SUPT3H: variants seen among roughly 807,000 people sequenced by gnomAD.
SUPT3H encodes the protein SPT3 homolog, SAGA and STAGA complex component.
SUPT3H carries 44 observed loss-of-function variants against 44.3 expected under a neutral mutation model. The observed-to-expected ratio is 0.99, with a 90% CI of 0.78 to 1.28. SUPT3H has a LOEUF of 1.28. Ranked by LOEUF, SUPT3H falls within the 50% of genes most tolerant of loss-of-function variation. SUPT3H has a pLI of 0.00. For missense variants in SUPT3H, 380 were observed against 387.1 expected (o/e 0.98, Z 0.15); for synonymous variants, 124 against 125.6 (o/e 0.99, Z 0.09).
chr6:45,234,998 C>T (rs1230983305), intron 2 of SUPT3H, among the ~76,000 whole-genome samples: 2 of 152,018 alleles, frequency 1.3e-5, no homozygotes, highest in African/African-American at 4.8e-5. Flanking sequence ...CATGAAAATA[C>T]CTCTCATGAG....
At chr6:44,878,569 C>A (rs1777677048) in intron 10 of SUPT3H, among the ~76,000 whole-genome samples, 1 of 151,970 alleles carries the variant, frequency 6.6e-6, no homozygotes, top group Non-Finnish European at 1.5e-5. Context: ...TGTGGAGAAA[C>A]TGGAACACTT....
intron 2 of SUPT3H, among the ~76,000 whole-genome samples, chr6:45,307,832 G>A (rs1490618926): frequency 6.6e-6 from 1 of 152,140 alleles, no homozygotes; most frequent in East Asian, 1.9e-4. Context: ...AGCTAAAGGA[G>A]GAAGTTCAAA....
In SUPT3H at chr6:45,230,662, CTATATATAT is replaced by C. The variant is rs1767816225; in HGVS notation, c.102-124665_102-124657del. 6.0e-4 allele frequency among the ~76,000 whole-genome samples: 41 copies of C among 68,744 alleles called. 5 individuals are homozygous for C. Among genetic ancestry groups the C allele is most frequent in the East Asian group, 5.2e-3 (12 of 2,318 alleles). The allele number at this position is 68,744 out of a possible 152,430, so 45.1% of individuals were successfully genotyped here. Reference sequence around the variant, plus strand: ...AAATCATGTTTTAAATTCATTCAGTCTATATATATATATATATATATATATTTTTGAGAT... The same window carrying C: ...AAATCATGTTTTAAATTCATTCAGTCATATATATATATATATTTTTGAGAT... On this transcript the variant is annotated intron_variant, in intron 2 of 10. Transcript: ENST00000371459.
At chr6:44,945,754 G>A (rs1487541328) in intron 9 of SUPT3H, among the ~76,000 whole-genome samples, 1 of 152,218 alleles carries the variant, frequency 6.6e-6, no homozygotes. Context: ...TAATATAAAA[G>A]TGCAAGGTGA....
chr6:45,177,409 T>C (rs1812165409), intron 2 of SUPT3H, among the ~76,000 whole-genome samples: 3 of 152,074 alleles, frequency 2.0e-5, no homozygotes, highest in South Asian at 2.1e-4. Flanking sequence ...CCAAGAAATA[T>C]GGGACTATGT....
At chr6:44,840,896 G>A (rs929878529) in intron 10 of SUPT3H, among the ~76,000 whole-genome samples, 1 of 152,142 alleles carries the variant, frequency 6.6e-6, no homozygotes, top group African/African-American at 2.4e-5. Flanking sequence ...TGATATTAAA[G>A]AGTCAAACTT....
chr6:45,285,024 C>G (rs895880728), intron 2 of SUPT3H, among the ~76,000 whole-genome samples: 2 of 151,906 alleles, frequency 1.3e-5, no homozygotes, highest in African/African-American at 4.8e-5. Context: ...CAGAAAAGGC[C>G]TCTGAGAAAA....
chr6:45,242,565 T>C (rs1347779611), intron 2 of SUPT3H, among the ~76,000 whole-genome samples: 2 of 152,156 alleles, frequency 1.3e-5, no homozygotes, highest in Admixed American at 6.5e-5. Flanking sequence ...AATAGTGGCA[T>C]TCAATAGTGA....
At chr6:45,114,542 T>C (rs1429282683) in intron 2 of SUPT3H, among the ~76,000 whole-genome samples, 1 of 152,126 alleles carries the variant, frequency 6.6e-6, no homozygotes, top group Non-Finnish European at 1.5e-5. Context: ...AGCTCATCCA[T>C]AAATATTTAT....
intron 2 of SUPT3H, among the ~76,000 whole-genome samples, chr6:45,125,757 C>A (rs10948201): frequency 0.23 from 34,359 of 150,912 alleles, 4,566 homozygotes; most frequent in Non-Finnish European, 0.31. Context: ...TTTCAGGTAA[C>A]TGAACACAAT....
intron 2 of SUPT3H, among the ~76,000 whole-genome samples, chr6:45,325,735 T>C (rs1786237991): frequency 6.6e-6 from 1 of 151,880 alleles, no homozygotes; most frequent in Admixed American, 6.6e-5. Flanking sequence ...TGCATTGACT[T>C]TTCTAAATCA....
At chr6:44,816,936 T>C (rs960387960) in intron 11 of SUPT3H, among the ~76,000 whole-genome samples, 1 of 152,020 alleles carries the variant, frequency 6.6e-6, no homozygotes, top group Non-Finnish European at 1.5e-5. Context: ...TGATGTGTGC[T>C]TATACTTCTA....
intron 2 of SUPT3H, among the ~76,000 whole-genome samples, chr6:45,169,806 A>G (rs951308299): frequency 3.3e-5 from 5 of 152,256 alleles, no homozygotes; most frequent in Non-Finnish European, 7.3e-5. Context: ...GATTCATCCT[A>G]TGATTTCAAG....
At chr6:45,365,435 G>C (rs1794968449) in intron 1 of SUPT3H, 134 bp from the exon 2 acceptor site, 2 of 600,540 alleles carry the variant, frequency 3.3e-6, no homozygotes, top group Admixed American at 6.0e-5. Flanking sequence ...GCACAAAACT[G>C]ATTCACTTAT....
At chr6:45,193,799 A>G (rs968819088) in intron 2 of SUPT3H, among the ~76,000 whole-genome samples, 8 of 152,214 alleles carry the variant, frequency 5.3e-5, no homozygotes, top group African/African-American at 1.9e-4. Flanking sequence ...GTTGTAACGT[A>G]CATTAGGGAT....
At chr6:44,859,817 T>A (rs1774327466) in intron 10 of SUPT3H, among the ~76,000 whole-genome samples, 1 of 152,248 alleles carries the variant, frequency 6.6e-6, no homozygotes, top group African/African-American at 2.4e-5. Flanking sequence ...AATGTTCTGC[T>A]TTATAACTTA....
chr6:45,050,981 T>C (rs1008739764), intron 3 of SUPT3H, among the ~76,000 whole-genome samples: 6 of 148,712 alleles, frequency 4.0e-5, no homozygotes, highest in African/African-American at 1.5e-4. Flanking sequence ...GCCTCCCAGG[T>C]TCATGCCATT....
chr6:44,895,377 C>T (rs554167904), intron 10 of SUPT3H, among the ~76,000 whole-genome samples: 1 of 151,596 alleles, frequency 6.6e-6, no homozygotes, highest in South Asian at 2.1e-4. Context: ...GCACACAGTA[C>T]CATACCTGGC....
chr6:45,270,904 A>T (rs1253114770), intron 2 of SUPT3H, among the ~76,000 whole-genome samples: 2 of 152,168 alleles, frequency 1.3e-5, no homozygotes, highest in Admixed American at 6.5e-5. Context: ...TCTCAGATGG[A>T]GATGGGGAAC....
Sources: gnomAD v4.1 joint callset for allele counts (sites outside exome capture counted in the v4.1 genomes callset) on GRCh38, gnomAD v4.1.1 for gene constraint, MANE v1.5 for transcripts, NCBI Gene and HGNC (gene_info 2026-07-23, HGNC 2026-07-21) for gene names.